The following IPO5 variants were observed in gnomAD, a reference collection of about 807,000 sequenced individuals.
The protein encoded by IPO5 is importin-5.
A neutral mutation model predicts 143.3 loss-of-function variants in IPO5; 18 were observed. The observed-to-expected ratio is 0.13, with a 90% confidence interval of 0.09 to 0.19. IPO5 has a LOEUF of 0.19. IPO5 is among the 10% of genes least tolerant of loss of function. The probability of loss-of-function intolerance (pLI) is 1.00; values close to 1 mark genes in which losing one functional copy is unlikely to be tolerated. For missense variants in IPO5, 1,013 were observed against 1,336.9 expected (o/e 0.76, Z 3.78); for synonymous variants, 477 against 465.7 (o/e 1.02, Z -0.31).
intron 11 of IPO5, among the ~76,000 whole-genome samples, chr13:97,994,755 G>A (rs1001736047): frequency 4.6e-5 from 7 of 152,114 alleles, no homozygotes; most frequent in African/African-American, 1.4e-4. Context: ...ACAATGGATC[G>A]GATGGAACAA....
At chr13:97,953,793 A>C (rs886622249) in intron 1 of IPO5, 77 bp downstream of exon 1, 4 of 402,226 alleles carry the variant, frequency 9.9e-6, no homozygotes, top group African/African-American at 8.3e-5. Flanking sequence ...ATTTAGCGTG[A>C]TACTGGAGGG....
intron 4 of IPO5, among the ~76,000 whole-genome samples, chr13:97,977,301 C>T (rs1442975640): frequency 1.3e-5 from 2 of 152,214 alleles, no homozygotes; most frequent in African/African-American, 4.8e-5. Context: ...ATGTGCCCTG[C>T]CTTGTCCCTA....
intron 3 of IPO5, chr13:97,976,397 A>G (rs1886313777): frequency 6.6e-6 from 1 of 151,686 alleles, no homozygotes; most frequent in East Asian, 2.0e-4. Flanking sequence ...CACTGACGGC[A>G]CCGCAGGGTG....
At position 98,021,697 on chromosome 13, in the gene IPO5, C is replaced by T. The variant is rs78044787; in HGVS notation, c.3208-39C>T. The T allele has an allele frequency of 7.2e-3, 8,929 of 1,236,664 alleles. 195 individuals carry two copies. The highest frequency in any genetic ancestry group is 0.05 in the Admixed American group (2,434 of 48,256). The allele number at this position is 1,236,664 out of a possible 1,614,324, so 76.6% of individuals were successfully genotyped here. ...GATGATTAAAATCCTTCCAAATGAG[C>T]ATTTCGTCCTAAGTCTGTGAAAATG... On this transcript the variant is annotated intron_variant, in intron 28 of 28. Transcript: ENST00000651721.
At chr13:98,005,824 T>C (rs539412394) in intron 16 of IPO5, among the ~76,000 whole-genome samples, 1 of 152,242 alleles carries the variant, frequency 6.6e-6, no homozygotes, top group South Asian at 2.1e-4. Flanking sequence ...GGCATTAAAG[T>C]TGATGAACAC....
intron 2 of IPO5, among the ~76,000 whole-genome samples, chr13:97,964,919 T>C (rs888759835): frequency 5.3e-5 from 8 of 152,162 alleles, no homozygotes; most frequent in African/African-American, 1.9e-4. Flanking sequence ...CTATTTACAA[T>C]AGCAAAGACT....
chr13:98,001,991 GT>G (rs1888832106), intron 13 of IPO5: 1 of 151,766 alleles, frequency 6.6e-6, no homozygotes, highest in African/African-American at 2.4e-5. Flanking sequence ...CAAATGTTTT[GT>G]TTTTTGTTTT....
At chr13:98,007,936 A>G in intron 17 of IPO5, 123 bp from the exon 18 acceptor site, 1 of 602,596 alleles carries the variant, frequency 1.7e-6, no homozygotes. Flanking sequence ...TCAATATGAT[A>G]GTTTATCTAT....
In IPO5 at chr13:97,957,090, T is replaced by C. The variant is rs73556516; in HGVS notation, c.-113+2892T>C. On this transcript the variant is annotated intron_variant, in intron 2 of 28. Coordinates refer to ENST00000651721, the MANE Select transcript of IPO5 (RefSeq NM_002271.6). ...GGGTAGGGTTTATTATCTCTCTGAA[T>C]ACTCAAATGAAAACTTAAGTGTATA... Among the ~76,000 whole-genome samples, 854 of 152,322 alleles carry C rather than the reference T, an allele frequency of 5.6e-3. 9 individuals carry two copies. Among genetic ancestry groups the C allele is most frequent in the African/African-American group, 0.019 (802 of 41,566 alleles).
intron 26 of IPO5, 58 bp from the exon 27 acceptor site, chr13:98,019,523 A>G: frequency 8.8e-7 from 1 of 1,134,986 alleles, no homozygotes; most frequent in Non-Finnish European, 1.3e-6. Flanking sequence ...AAATACATAT[A>G]TTCATTTGCA....
chr13:98,011,766 A>G (rs546860891), intron 20 of IPO5, among the ~76,000 whole-genome samples: 1 of 152,328 alleles, frequency 6.6e-6, no homozygotes, highest in African/African-American at 2.4e-5. Context: ...CAGCCTCCCA[A>G]AGTGCTGGGA....
intron 18 of IPO5, 60 bp downstream of exon 18, chr13:98,008,202 C>A: frequency 1.0e-6 from 1 of 985,926 alleles, no homozygotes; most frequent in South Asian, 1.3e-5. Context: ...GCACATGGTT[C>A]AATATATTTA....
chr13:97,994,998 C>T (rs143582523), intron 11 of IPO5, among the ~76,000 whole-genome samples: 304 of 151,854 alleles, frequency 2.0e-3, no homozygotes, highest in African/African-American at 7.0e-3. Flanking sequence ...TGGTGGCACA[C>T]GCCTGTGGTT....
intron 12 of IPO5, among the ~76,000 whole-genome samples, chr13:97,999,047 C>T (rs1273455604): frequency 6.6e-6 from 1 of 151,910 alleles, no homozygotes; most frequent in Admixed American, 6.6e-5. Context: ...GGAAGCTAAG[C>T]GAGGAGAATC....
intron 9 of IPO5, among the ~76,000 whole-genome samples, chr13:97,991,948 G>A (rs2139699402): frequency 6.6e-6 from 1 of 152,318 alleles, no homozygotes; most frequent in East Asian, 1.9e-4. Context: ...CCTCAATCGT[G>A]TGACCATCAA....
In IPO5 at chr13:97,959,666, G is replaced by A. The variant is rs561640848; in HGVS notation, c.-113+5468G>A. Among the ~76,000 whole-genome samples, 12 of 151,944 alleles carry A rather than the reference G, an allele frequency of 7.9e-5. No homozygotes were observed. The South Asian group carries it at 8.3e-4, about 11-fold the overall frequency. ...GGAGAATTGCTTGAACCCGGGAGGCGTAGGTTGCAGTGAGCCTAGATAGCG... is the reference window on the plus strand; with the variant it reads ...GGAGAATTGCTTGAACCCGGGAGGCATAGGTTGCAGTGAGCCTAGATAGCG... On this transcript the variant is annotated intron_variant, in intron 2 of 28. Transcript: ENST00000651721.
At position 97,993,187 on chromosome 13, in the gene IPO5, C is replaced by T; in HGVS notation, c.875C>T (p.Ala292Val). The T allele has an allele frequency of 6.2e-7, 1 of 1,613,570 alleles. No homozygotes were observed. Among genetic ancestry groups the T allele is most frequent in the Admixed American group, 1.7e-5 (1 of 60,022 alleles). The change falls in exon 11 of 29, where the codon GCT becomes GTT. Residue 292 changes from alanine to valine, a missense_variant. Transcript: ENST00000651721. ...GTCACCCTCTCTGAGACTGCAGCTG[C>T]TATGTTAAGAAAACATACCAATATT... ...VIVTLSETAA[A>V]MLRKHTNIVA...
At chr13:97,986,505 G>A (rs1270814270) in intron 6 of IPO5, among the ~76,000 whole-genome samples, 6 of 151,898 alleles carry the variant, frequency 4.0e-5, no homozygotes, top group South Asian at 2.1e-4. Flanking sequence ...ACAGGCATGC[G>A]CCACCACACC....
chr13:98,005,038 G>A (rs1331876402), intron 16 of IPO5, among the ~76,000 whole-genome samples: 1 of 152,008 alleles, frequency 6.6e-6, no homozygotes, highest in Non-Finnish European at 1.5e-5. Context: ...TGGGATTACA[G>A]ACGTGCACCC....
Sources: gnomAD v4.1 joint callset for allele counts (sites outside exome capture counted in the v4.1 genomes callset) on GRCh38, gnomAD v4.1.1 for gene constraint, MANE v1.5 for transcripts, NCBI Gene and HGNC (gene_info 2026-07-23, HGNC 2026-07-21) for gene names.